Variants in FMN1 observed in about 807,000 individuals in gnomAD.
FMN1 encodes the protein formin 1, also known as formin-1.
FMN1 carries 110 observed loss-of-function variants against 132.4 expected under a neutral mutation model. The observed-to-expected ratio is 0.83, with a 90% CI of 0.71 to 0.97. FMN1 has a LOEUF of 0.97. Ranked by LOEUF, FMN1 falls within the 50% of genes least tolerant of loss-of-function variation. The probability of loss-of-function intolerance (pLI) is 0.00; values close to 1 mark genes in which losing one functional copy is unlikely to be tolerated. For missense variants in FMN1, 1,792 were observed against 1,705.3 expected (o/e 1.05, Z -0.90); for synonymous variants, 722 against 651.7 (o/e 1.11, Z -1.64).
chr15:33,056,481 T>C (rs2037221820), intron 6 of FMN1, among the ~76,000 whole-genome samples: 1 of 152,164 alleles, frequency 6.6e-6, no homozygotes, highest in African/African-American at 2.4e-5. Context: ...CAGCTCAGTG[T>C]TTCCCTTATT....
chr15:32,779,379 C>G (rs535454944), intron 19 of FMN1, among the ~76,000 whole-genome samples: 2 of 152,252 alleles, frequency 1.3e-5, no homozygotes, highest in African/African-American at 4.8e-5. Context: ...ATTTCTTACC[C>G]ATCAGGTTGG....
chr15:32,830,766 G>A (rs554226631), intron 17 of FMN1, among the ~76,000 whole-genome samples: 17 of 152,150 alleles, frequency 1.1e-4, no homozygotes, highest in Non-Finnish European at 2.5e-4. Context: ...CTCCCTGTCC[G>A]AGGAGACGTC....
intron 10 of FMN1, among the ~76,000 whole-genome samples, chr15:32,914,565 G>A (rs904502903): frequency 6.6e-6 from 1 of 152,196 alleles, no homozygotes; most frequent in Non-Finnish European, 1.5e-5. Context: ...GAGAGCTGTT[G>A]AGCAGTTATG....
intron 17 of FMN1, among the ~76,000 whole-genome samples, chr15:32,854,843 G>C (rs1209767706): frequency 6.6e-6 from 1 of 151,912 alleles, no homozygotes; most frequent in Non-Finnish European, 1.5e-5. Flanking sequence ...GAACCCGGGA[G>C]GTGGAGGTTG....
intron 8 of FMN1, among the ~76,000 whole-genome samples, chr15:32,965,184 G>A (rs1327334254): frequency 6.6e-6 from 1 of 152,036 alleles, no homozygotes; most frequent in Admixed American, 6.6e-5. Context: ...GATCACTTGG[G>A]GTCAGGAGTT....
At chr15:32,942,052 T>C (rs2061411948) in intron 9 of FMN1, among the ~76,000 whole-genome samples, 1 of 152,156 alleles carries the variant, frequency 6.6e-6, no homozygotes, top group Admixed American at 6.5e-5. Context: ...CGTTAAACCC[T>C]ATTAGACATG....
intron 17 of FMN1, among the ~76,000 whole-genome samples, chr15:32,845,466 T>C (rs1330798970): frequency 6.6e-6 from 1 of 152,184 alleles, no homozygotes; most frequent in African/African-American, 2.4e-5. Flanking sequence ...TTTTCTCCTT[T>C]AGATGATGAA....
intron 17 of FMN1, among the ~76,000 whole-genome samples, chr15:32,840,169 T>C (rs2141208503): frequency 2.0e-5 from 3 of 152,316 alleles, no homozygotes; most frequent in African/African-American, 7.2e-5. Context: ...CCCATTAACT[T>C]GGCCTCCTCT....
rs553053794 is a variant in FMN1 at position 32,977,383 on chromosome 15, T to C, written c.2224-7906A>G. Among the ~76,000 whole-genome samples the C allele has an allele frequency of 2.0e-5, 3 of 152,376 alleles. No homozygotes were observed. The East Asian group carries it at 5.8e-4, about 29-fold the overall frequency. ...AAAGATACTTTCTAGTCACAGATGC[T>C]TTCCTCAAAATATTTGCCCTCCATC... On this transcript the variant is annotated intron_variant, in intron 7 of 20. Transcript: ENST00000616417.
At chr15:33,088,370 G>C (rs760634516) in intron 5 of FMN1, among the ~76,000 whole-genome samples, 1 of 152,206 alleles carries the variant, frequency 6.6e-6, no homozygotes, top group Non-Finnish European at 1.5e-5. Flanking sequence ...CAGCTGGAGA[G>C]AAAGGTTCAT....
At chr15:33,005,946 G>A (rs1436158549) in intron 7 of FMN1, among the ~76,000 whole-genome samples, 3 of 151,970 alleles carry the variant, frequency 2.0e-5, no homozygotes, top group Non-Finnish European at 4.4e-5. Context: ...CCACTTTTTT[G>A]TTTCTTTGTG....
intron 16 of FMN1, among the ~76,000 whole-genome samples, chr15:32,887,107 T>C (rs1347069559): frequency 6.6e-6 from 1 of 152,256 alleles, no homozygotes; most frequent in Non-Finnish European, 1.5e-5. Flanking sequence ...TAAATGGCTC[T>C]CTTTGCCACC....
chr15:32,766,493 T>TA lies in FMN1; in HGVS notation c.*7816dup, dbSNP rs2056050381. 1 of 151,570 alleles carries TA rather than the reference T, an allele frequency of 6.6e-6. No individual in the cohort carries two copies. Among genetic ancestry groups the TA allele is most frequent in the South Asian group, 2.1e-4 (1 of 4,782 alleles). The allele number at this position is 151,570 out of a possible 1,614,324, so 9.4% of individuals were successfully genotyped here. ...GAGAATGGCCTTAATTAGTTTAAGG[T>TA]AAAATCTATGAGAAATTGAGAAGGC... On this transcript the variant is annotated 3_prime_UTR_variant, in exon 21 of 21. Transcript: ENST00000616417.
intron 10 of FMN1, among the ~76,000 whole-genome samples, chr15:32,921,335 C>T (rs2060816520): frequency 6.6e-6 from 1 of 152,136 alleles, no homozygotes; most frequent in African/African-American, 2.4e-5. Flanking sequence ...AGTACTTGGC[C>T]TCTGTAAGAA....
intron 6 of FMN1, among the ~76,000 whole-genome samples, chr15:33,027,856 A>G (rs948277565): frequency 1.3e-5 from 2 of 152,202 alleles, no homozygotes; most frequent in African/African-American, 2.4e-5. Flanking sequence ...GCACACACTG[A>G]TTCACAGCCA....
chr15:32,841,422 C>CT (rs1184442602), intron 17 of FMN1, among the ~76,000 whole-genome samples: 1 of 152,130 alleles, frequency 6.6e-6, no homozygotes, highest in Non-Finnish European at 1.5e-5. Context: ...ATTCTGGTTT[C>CT]TTATCTATAT....
intron 5 of FMN1, among the ~76,000 whole-genome samples, chr15:33,074,414 T>C (rs1374028035): frequency 6.6e-6 from 1 of 152,180 alleles, no homozygotes; most frequent in Non-Finnish European, 1.5e-5. Context: ...GGTCATCCCA[T>C]CAAAAGCCTG....
At chr15:32,793,918 T>C (rs2057181836) in intron 19 of FMN1, among the ~76,000 whole-genome samples, 1 of 152,158 alleles carries the variant, frequency 6.6e-6, no homozygotes, top group South Asian at 2.1e-4. Flanking sequence ...AAGTTTATCA[T>C]GTAAAGAAAA....
chr15:33,171,902 G>T (rs1466562641), intron 3 of FMN1, among the ~76,000 whole-genome samples: 4 of 152,160 alleles, frequency 2.6e-5, no homozygotes, highest in Non-Finnish European at 4.4e-5. Context: ...CAAACACAAT[G>T]ATTCGAATTA....
Sources: allele counts gnomAD v4.1 joint callset (sites outside exome capture counted in the v4.1 genomes callset), GRCh38; gene constraint gnomAD v4.1.1; transcripts MANE v1.5; gene names NCBI Gene and HGNC (gene_info 2026-07-23, HGNC 2026-07-21).